Variants in SLC9C1 observed in about 807,000 individuals in gnomAD.
SLC9C1 encodes sodium/hydrogen exchanger 10.
SLC9C1 carries 97 observed loss-of-function variants against 140.9 expected under a neutral mutation model. The observed-to-expected ratio is 0.69, with a 90% CI of 0.58 to 0.82. The LOEUF is 0.82. SLC9C1 is among the 40% of genes least tolerant of loss of function. The pLI, the probability that SLC9C1 is intolerant of heterozygous loss-of-function variation, is 0.00. For missense variants in SLC9C1, 1,340 were observed against 1,389.3 expected (o/e 0.96, Z 0.56); for synonymous variants, 440 against 442.6 (o/e 0.99, Z 0.07).
At chr3:112,169,842 ATTC>A (rs1481565026) in intron 23 of SLC9C1, among the ~76,000 whole-genome samples, 1 of 152,140 alleles carries the variant, frequency 6.6e-6, no homozygotes, top group Admixed American at 6.6e-5. Flanking sequence ...AACAGTACTA[ATTC>A]TTCTGATCCA....
chr3:112,175,530 G>C (rs1446683955), intron 23 of SLC9C1, among the ~76,000 whole-genome samples: 1 of 152,198 alleles, frequency 6.6e-6, no homozygotes, highest in South Asian at 2.1e-4. Flanking sequence ...ACTCTTCAAA[G>C]CCCGAAGGCA....
intron 15 of SLC9C1, among the ~76,000 whole-genome samples, chr3:112,214,431 T>G (rs1022624860): frequency 2.0e-5 from 3 of 152,044 alleles, no homozygotes; most frequent in Non-Finnish European, 4.4e-5. Flanking sequence ...CTGGTTTTTT[T>G]GAAAAGATCA....
rs10575877 is a variant in SLC9C1, at chr3:112,153,358, T to TA, written c.3418-1396dup. ...AAATATGCTATTAAGGCAGCATTGT[T>TA]AAAAAAAAAAAAAAAGATGGTCTTG... is the stretch of plus-strand genomic sequence containing the variant. On this transcript the variant is annotated intron_variant, in intron 27 of 28. Transcript: ENST00000305815. 5.0e-3 allele frequency among the ~76,000 whole-genome samples: 743 copies of TA among 148,256 alleles called. 12 individuals are homozygous for TA. Among genetic ancestry groups the TA allele is most frequent in the African/African-American group, 0.017 (684 of 40,496 alleles).
chr3:112,158,587 A>G (rs933349422), intron 26 of SLC9C1, among the ~76,000 whole-genome samples: 5 of 152,076 alleles, frequency 3.3e-5, no homozygotes, highest in African/African-American at 1.2e-4. Context: ...TAGTTTAAGT[A>G]GAATTGATAT....
At chr3:112,274,079 G>A (rs769345487) in intron 6 of SLC9C1, among the ~76,000 whole-genome samples, 26 of 152,080 alleles carry the variant, frequency 1.7e-4, no homozygotes, top group Non-Finnish European at 2.8e-4. Context: ...TTATGAAAAT[G>A]CTTTGATTTC....
Position 112,169,342 on chromosome 3 carries a change from A to G in SLC9C1, c.2920-14T>C, listed in dbSNP as rs752787219. The G allele has an allele frequency of 6.3e-7, 1 of 1,599,104 alleles. No homozygotes were observed. The highest frequency in any genetic ancestry group is 8.5e-7 in the Non-Finnish European group (1 of 1,174,362). The stretch of plus-strand genomic sequence containing the variant: ...AATAAAACATGTCTGGAAAAGAAGG[A>G]TGTAAATTTGATATTTTATTTTGTG... On this transcript the variant is annotated splice_polypyrimidine_tract_variant and intron_variant, in intron 23 of 28. Transcript: ENST00000305815.
In SLC9C1 at chr3:112,155,236, T is replaced by C. The variant is rs138486989; in HGVS notation, c.3365-187A>G. On this transcript the variant is annotated intron_variant, in intron 26 of 28. Coordinates refer to ENST00000305815, the MANE Select transcript of SLC9C1 (RefSeq NM_183061.3). Reference sequence around the variant, plus strand: ...AAAAGTGATTATAAGTCTTTTATTATGGAGATGATATAATAAATGTGCAAA... The same window carrying C: ...AAAAGTGATTATAAGTCTTTTATTACGGAGATGATATAATAAATGTGCAAA... Among the ~76,000 whole-genome samples, 574 of 152,282 alleles carry C rather than the reference T, an allele frequency of 3.8e-3. 3 individuals are homozygous for C. The highest frequency in any genetic ancestry group is 0.013 in the African/African-American group (532 of 41,566).
chr3:112,154,245 A>T (rs2075066208), intron 27 of SLC9C1, among the ~76,000 whole-genome samples: 3 of 152,154 alleles, frequency 2.0e-5, no homozygotes. Flanking sequence ...CATCTTCTGG[A>T]GCAATATAAA....
intron 2 of SLC9C1, among the ~76,000 whole-genome samples, chr3:112,286,281 C>T (rs2080505420): frequency 6.6e-6 from 1 of 152,156 alleles, no homozygotes; most frequent in South Asian, 2.1e-4. Context: ...AGTCCCTAAT[C>T]AGGTCAAAGA....
At chr3:112,210,259 C>T (rs1345360797) in intron 15 of SLC9C1, among the ~76,000 whole-genome samples, 3 of 152,170 alleles carry the variant, frequency 2.0e-5, no homozygotes, top group African/African-American at 2.4e-5. Flanking sequence ...GCAGAAACAA[C>T]TCAAATGTCC....
chr3:112,201,217 A>G (rs1199649003), intron 18 of SLC9C1, among the ~76,000 whole-genome samples: 2 of 152,000 alleles, frequency 1.3e-5, no homozygotes, highest in Non-Finnish European at 2.9e-5. Context: ...GAGAGCCCCC[A>G]GATTTGTGAT....
intron 15 of SLC9C1, among the ~76,000 whole-genome samples, chr3:112,217,020 C>A (rs2078394821): frequency 6.6e-6 from 1 of 152,136 alleles, no homozygotes; most frequent in South Asian, 2.1e-4. Flanking sequence ...GAATACTATG[C>A]AGCCATAAAA....
At position 112,269,406 on chromosome 3, in the gene SLC9C1, G is replaced by T. The variant is rs79240290; in HGVS notation, c.775+510C>A. Among the ~76,000 whole-genome samples, 8 of 152,278 alleles carry T rather than the reference G, an allele frequency of 5.3e-5. No individual in the cohort carries two copies. In the East Asian group the frequency reaches 1.5e-3, roughly 29 times the overall value. The stretch of plus-strand genomic sequence containing the variant: ...ATTATAGGCATAAGCCACCACGCCT[G>T]GTAGGAACCCTCTTTTTGTAGTCCA... On this transcript the variant is annotated intron_variant, in intron 7 of 28. Coordinates refer to ENST00000305815, the MANE Select transcript of SLC9C1 (RefSeq NM_183061.3).
intron 12 of SLC9C1, 129 bp from the exon 13 acceptor site, chr3:112,231,615 G>C: frequency 1.2e-6 from 1 of 826,954 alleles, no homozygotes; most frequent in East Asian, 2.7e-5. Context: ...TAAGAAAAAT[G>C]TTCAGATCCT....
intron 20 of SLC9C1, among the ~76,000 whole-genome samples, chr3:112,194,276 C>T (rs1386344672): frequency 6.6e-6 from 1 of 152,086 alleles, no homozygotes; most frequent in Non-Finnish European, 1.5e-5. Context: ...CTATCTTTTC[C>T]CTGAAATGGG....
chr3:112,191,253 G>A (rs1323400758), intron 20 of SLC9C1, among the ~76,000 whole-genome samples: 3 of 152,024 alleles, frequency 2.0e-5, no homozygotes, highest in Non-Finnish European at 4.4e-5. Flanking sequence ...GAAAATAAGT[G>A]GGGAGAGAGG....
intron 15 of SLC9C1, among the ~76,000 whole-genome samples, chr3:112,208,874 C>T (rs1313826177): frequency 6.6e-6 from 1 of 152,110 alleles, no homozygotes; most frequent in African/African-American, 2.4e-5. Flanking sequence ...TCATGAGCAT[C>T]TTCTCTTGTC....
At chr3:112,224,799 A>G (rs1031631102) in intron 13 of SLC9C1, among the ~76,000 whole-genome samples, 1 of 151,912 alleles carries the variant, frequency 6.6e-6, no homozygotes, top group African/African-American at 2.4e-5. Flanking sequence ...GAAAGAAAGA[A>G]AAGAAAAAAG....
At chr3:112,280,383 C>T (rs4585166) in intron 3 of SLC9C1, among the ~76,000 whole-genome samples, 88,196 of 152,006 alleles carry the variant, frequency 0.58, 26,229 homozygotes, top group East Asian at 0.79. Context: ...CCATTTTTTT[C>T]CCAAGCTTTT....
Sources: allele counts gnomAD v4.1 joint callset (sites outside exome capture counted in the v4.1 genomes callset), GRCh38; gene constraint gnomAD v4.1.1; transcripts MANE v1.5; gene names NCBI Gene and HGNC (gene_info 2026-07-23, HGNC 2026-07-21).